The following DNAJC6 variants were observed in gnomAD, a reference collection of about 807,000 sequenced individuals.
The protein encoded by DNAJC6 is DnaJ heat shock protein family (Hsp40) member C6, also known as auxilin.
Under a neutral mutation model 110.0 loss-of-function variants are expected in DNAJC6, and 34 were observed. That is an observed-to-expected ratio of 0.31 (90% confidence interval 0.24 to 0.41). The LOEUF (loss-of-function observed/expected upper bound fraction) is 0.41, where lower values mean the gene tolerates loss of function less well. Ranked by LOEUF, DNAJC6 falls within the 10% of genes least tolerant of loss-of-function variation. The pLI is 1.00. For missense variants in DNAJC6, 1,031 were observed against 1,207.8 expected, an observed-to-expected ratio of 0.85 and a Z score of 2.17; for synonymous variants, 406 against 437.2, an observed-to-expected ratio of 0.93 and a Z score of 0.89.
chr1:65,389,687 G>T, intron 11 of DNAJC6, 60 bp downstream of exon 11: 1 of 1,578,656 alleles, frequency 6.3e-7, no homozygotes, highest in Admixed American at 1.7e-5. Flanking sequence ...CTTCTGTAAA[G>T]ATGTTGGCCC....
chr1:65,340,889 G>A (rs1645382826), intron 1 of DNAJC6, among the ~76,000 whole-genome samples: 1 of 152,162 alleles, frequency 6.6e-6, no homozygotes, highest in African/African-American at 2.4e-5. Flanking sequence ...TCCACTCTCA[G>A]AGATTCTGAT....
chr1:65,315,144 C>A (rs1183372473), intron 1 of DNAJC6, among the ~76,000 whole-genome samples: 1 of 152,194 alleles, frequency 6.6e-6, no homozygotes, highest in Non-Finnish European at 1.5e-5. Context: ...AGCCCTTAGA[C>A]AACAGATTTT....
intron 8 of DNAJC6, 75 bp from the exon 9 acceptor site, chr1:65,388,261 C>A (rs1645891102): frequency 2.3e-6 from 3 of 1,325,234 alleles, no homozygotes; most frequent in Non-Finnish European, 3.3e-6. Flanking sequence ...GTGCATGTCT[C>A]CCCAAAATCT....
chr1:65,334,214 A>G (rs1388603640), intron 1 of DNAJC6, among the ~76,000 whole-genome samples: 2 of 152,244 alleles, frequency 1.3e-5, no homozygotes, highest in Non-Finnish European at 2.9e-5. Flanking sequence ...GAGAAGTAGG[A>G]GAACATGGGT....
chr1:65,324,634 C>T (rs745462701), intron 1 of DNAJC6, among the ~76,000 whole-genome samples: 2 of 152,218 alleles, frequency 1.3e-5, no homozygotes, highest in Admixed American at 6.5e-5. Context: ...GCTGGGATTA[C>T]AGGCGTGAGC....
intron 1 of DNAJC6, among the ~76,000 whole-genome samples, chr1:65,312,610 G>C (rs927159423): frequency 6.6e-6 from 1 of 152,130 alleles, no homozygotes; most frequent in South Asian, 2.1e-4. Flanking sequence ...TTGACATCTC[G>C]CTACATGATT....
intron 1 of DNAJC6, among the ~76,000 whole-genome samples, chr1:65,329,617 G>A (rs1397547799): frequency 6.6e-6 from 1 of 151,990 alleles, no homozygotes; most frequent in Admixed American, 6.6e-5. Flanking sequence ...CCAGATTAGT[G>A]GCAGAAATAG....
At chr1:65,302,930 G>C (rs1156995535) in intron 1 of DNAJC6, among the ~76,000 whole-genome samples, 4 of 152,062 alleles carry the variant, frequency 2.6e-5, no homozygotes, top group African/African-American at 9.7e-5. Flanking sequence ...CCTTGATCTT[G>C]GACTTTCTGG....
chr1:65,304,416 A>G (rs901593051), intron 1 of DNAJC6, among the ~76,000 whole-genome samples: 1 of 152,154 alleles, frequency 6.6e-6, no homozygotes, highest in Admixed American at 6.5e-5. Flanking sequence ...GACAGCTGCT[A>G]CTATTTATGC....
chr1:65,406,185 A>C (rs1400612238), intron 16 of DNAJC6, 52 bp downstream of exon 16: 1 of 1,571,184 alleles, frequency 6.4e-7, no homozygotes, highest in Admixed American at 1.8e-5. Flanking sequence ...CTATGTTGTC[A>C]TACTGCCTGA....
upstream of DNAJC6, among the ~76,000 whole-genome samples, chr1:65,308,935 A>G (rs571024789): frequency 1.8e-4 from 12 of 68,536 alleles, no homozygotes; most frequent in East Asian, 7.5e-3. Context: ...TCCCTTAGGG[A>G]TCATCCCTAT....
At chr1:65,295,326 G>T (rs1644919464) in intron 1 of DNAJC6, among the ~76,000 whole-genome samples, 1 of 152,120 alleles carries the variant, frequency 6.6e-6, no homozygotes, top group African/African-American at 2.4e-5. Flanking sequence ...CAGATCACTT[G>T]TCTCCATATG....
chr1:65,291,533 G>C (rs1202107008), intron 1 of DNAJC6, among the ~76,000 whole-genome samples: 1 of 152,156 alleles, frequency 6.6e-6, no homozygotes, highest in Non-Finnish European at 1.5e-5. Context: ...CACTTAGCCT[G>C]TTCTGCCTGG....
chr1:65,325,339 G>A (rs149169807), intron 1 of DNAJC6, among the ~76,000 whole-genome samples: 6 of 152,328 alleles, frequency 3.9e-5, no homozygotes, highest in African/African-American at 1.4e-4. Context: ...GAGCTTAGAA[G>A]ACAGTATATT....
chr1:65,361,683 T>G (rs1382585611), intron 1 of DNAJC6, among the ~76,000 whole-genome samples: 5 of 152,210 alleles, frequency 3.3e-5, no homozygotes, highest in African/African-American at 1.2e-4. Context: ...GGAACACATA[T>G]GTACTAGTTG....
At chr1:65,306,953 ACT>A (rs1265855269), upstream of DNAJC6, among the ~76,000 whole-genome samples, 214 of 127,722 alleles carry the variant, frequency 1.7e-3, 1 homozygote, top group African/African-American at 6.0e-3. Flanking sequence ...GTTAAGTACT[ACT>A]CTCTCTCTCA....
intron 1 of DNAJC6, among the ~76,000 whole-genome samples, chr1:65,327,294 AAGG>A (rs1645249975): frequency 6.6e-6 from 1 of 152,220 alleles, no homozygotes; most frequent in South Asian, 2.1e-4. Flanking sequence ...AGGACCTAGT[AAGG>A]AGGAGGATAT....
chr1:65,348,072 G>A (rs1645454594), intron 1 of DNAJC6, among the ~76,000 whole-genome samples: 1 of 152,108 alleles, frequency 6.6e-6, no homozygotes, highest in Admixed American at 6.6e-5. Flanking sequence ...TGGCAAAAGG[G>A]ACACACCATT....
At position 65,406,409 on chromosome 1, in the gene DNAJC6, G is replaced by A. The variant is rs149441140; in HGVS notation, c.2491+276G>A. On this transcript the variant is annotated intron_variant, in intron 16 of 18. Coordinates refer to ENST00000371069, the MANE Select transcript of DNAJC6 (RefSeq NM_001256864.2). Reference sequence around the variant, plus strand: ...CAGACTGGAACCAGATGGAGGGCAGGGACTGTGTCTTAGTTGCCATGGTAT... The same window carrying A: ...CAGACTGGAACCAGATGGAGGGCAGAGACTGTGTCTTAGTTGCCATGGTAT... Among the ~76,000 whole-genome samples, 672 of 152,292 alleles carry A rather than the reference G, an allele frequency of 4.4e-3. 2 individuals carry two copies. Among genetic ancestry groups the A allele is most frequent in the African/African-American group, 0.015 (640 of 41,556 alleles).
Sources: gnomAD v4.1 joint callset for allele counts (sites outside exome capture counted in the v4.1 genomes callset) on GRCh38, gnomAD v4.1.1 for gene constraint, MANE v1.5 for transcripts, NCBI Gene and HGNC (gene_info 2026-07-23, HGNC 2026-07-21) for gene names.